The following DCDC1 variants were observed in gnomAD, a reference collection of about 807,000 sequenced individuals.
The protein encoded by DCDC1 is doublecortin domain-containing protein 1.
A neutral mutation model predicts 178.3 loss-of-function variants in DCDC1; 200 were observed. That is an observed-to-expected ratio of 1.12 (90% CI 1.00 to 1.26). The LOEUF (loss-of-function observed/expected upper bound fraction) is 1.26, where lower values mean the gene tolerates loss of function less well. DCDC1 is among the 50% of genes most tolerant of loss of function. The pLI, the probability that DCDC1 is intolerant of heterozygous loss-of-function variation, is 0.00. For synonymous variants in DCDC1, 690 were observed against 604.8 expected, an observed-to-expected ratio of 1.14 and a Z score of -2.07; for missense variants, 1,983 against 1,749.2, an observed-to-expected ratio of 1.13 and a Z score of -2.38.
chr11:31,281,538 T>C (rs1043092280), intron 7 of DCDC1, among the ~76,000 whole-genome samples: 7 of 152,154 alleles, frequency 4.6e-5, no homozygotes, highest in Non-Finnish European at 7.4e-5. Flanking sequence ...CCATATTCTC[T>C]TAAGGTGGTC....
chr11:31,314,340 A>T (rs1020916700), intron 3 of DCDC1: 3 of 152,218 alleles, frequency 2.0e-5, no homozygotes, highest in African/African-American at 7.2e-5. Flanking sequence ...TTATATATCT[A>T]ACCTACCTAC....
intron 18 of DCDC1, among the ~76,000 whole-genome samples, chr11:31,072,759 T>C (rs1245679757): frequency 1.3e-5 from 2 of 152,124 alleles, no homozygotes; most frequent in Non-Finnish European, 2.9e-5. Flanking sequence ...ATAAATGTAT[T>C]TAAGCTTGTT....
At chr11:31,025,081 A>C (rs1188787315) in intron 20 of DCDC1, among the ~76,000 whole-genome samples, 1 of 151,868 alleles carries the variant, frequency 6.6e-6, no homozygotes, top group Non-Finnish European at 1.5e-5. Context: ...TATCTATAGT[A>C]ATTTCAACTA....
At chr11:31,086,993 A>G (rs1957520792) in intron 17 of DCDC1, among the ~76,000 whole-genome samples, 1 of 152,076 alleles carries the variant, frequency 6.6e-6, no homozygotes, top group Admixed American at 6.6e-5. Context: ...AGAATTTCCC[A>G]GTGAAGCTAG....
chr11:31,189,238 T>C (rs576457637), intron 9 of DCDC1, among the ~76,000 whole-genome samples: 1 of 152,276 alleles, frequency 6.6e-6, no homozygotes, highest in East Asian at 1.9e-4. Context: ...AGGACCCAAA[T>C]ATGAGAATGC....
intron 20 of DCDC1, among the ~76,000 whole-genome samples, chr11:31,040,249 A>C (rs1954349889): frequency 6.6e-6 from 1 of 152,146 alleles, no homozygotes; most frequent in Admixed American, 6.5e-5. Flanking sequence ...AAGTCATTTA[A>C]CTCCTCCAGT....
chr11:30,881,438 T>G, intron 36 of DCDC1, 130 bp from the exon 37 acceptor site: 1 of 1,202,854 alleles, frequency 8.3e-7, no homozygotes, highest in Non-Finnish European at 1.2e-6. Flanking sequence ...TGTTAGACAT[T>G]CGTATAGAAG....
At chr11:31,207,989 A>G (rs1392328186) in intron 9 of DCDC1, among the ~76,000 whole-genome samples, 2 of 152,214 alleles carry the variant, frequency 1.3e-5, no homozygotes, top group Admixed American at 1.3e-4. Flanking sequence ...ACAACCACCT[A>G]TTCCTTCTCA....
intron 34 of DCDC1, 63 bp downstream of exon 34, chr11:30,899,478 A>G (rs1944495588): frequency 2.8e-6 from 3 of 1,080,310 alleles, no homozygotes; most frequent in Non-Finnish European, 3.7e-6. Context: ...GAAAATAACC[A>G]TTAGCAATTT....
At chr11:31,063,360 C>G (rs1956059207) in intron 20 of DCDC1, among the ~76,000 whole-genome samples, 3 of 152,146 alleles carry the variant, frequency 2.0e-5, no homozygotes, top group South Asian at 2.1e-4. Context: ...GGTACATACC[C>G]AAAGGATTAT....
intron 10 of DCDC1, 167 bp from the exon 11 acceptor site, chr11:31,127,806 A>G (rs1379412737): frequency 2.0e-6 from 1 of 501,392 alleles, no homozygotes; most frequent in East Asian, 3.2e-5. Context: ...ACATTCCTAC[A>G]TCTACTTTTA....
At chr11:31,340,752 C>G (rs894214614) in intron 1 of DCDC1, among the ~76,000 whole-genome samples, 4 of 152,150 alleles carry the variant, frequency 2.6e-5, no homozygotes, top group Admixed American at 6.5e-5. Context: ...CACCCCTTCT[C>G]TAAGTCTCTA....
At chr11:31,159,777 C>CA (rs1241639834) in intron 9 of DCDC1, among the ~76,000 whole-genome samples, 1 of 151,600 alleles carries the variant, frequency 6.6e-6, no homozygotes, top group African/African-American at 2.4e-5. Flanking sequence ...CCCCTTCCAC[C>CA]AAAAAAAGAA....
At chr11:31,314,364 C>G (rs966602902) in intron 3 of DCDC1, 3 of 152,222 alleles carry the variant, frequency 2.0e-5, no homozygotes, top group Non-Finnish European at 4.4e-5. Flanking sequence ...CCATTTACTT[C>G]TCCATCCATT....
chr11:31,048,288 T>C (rs961974228), intron 20 of DCDC1, among the ~76,000 whole-genome samples: 7 of 152,208 alleles, frequency 4.6e-5, no homozygotes, highest in African/African-American at 1.7e-4. Context: ...TTACTATGAA[T>C]TGACTTTCAA....
chr11:31,213,095 C>A (rs1485801354), intron 9 of DCDC1, among the ~76,000 whole-genome samples: 8 of 132,876 alleles, frequency 6.0e-5, no homozygotes, highest in African/African-American at 2.3e-4. Context: ...CTATATAAAG[C>A]CCAGCCTCTC....
At chr11:31,132,333 G>T (rs1030198112) in intron 10 of DCDC1, among the ~76,000 whole-genome samples, 5 of 151,980 alleles carry the variant, frequency 3.3e-5, no homozygotes, top group African/African-American at 9.7e-5. Flanking sequence ...CAGTTATTAT[G>T]ATAACATGTC....
chr11:30,877,222 A>G (rs542071447), intron 38 of DCDC1, among the ~76,000 whole-genome samples: 1 of 152,288 alleles, frequency 6.6e-6, no homozygotes, highest in Non-Finnish European at 1.5e-5. Flanking sequence ...CTTCAGTAGA[A>G]ATGATATACT....
At chr11:31,368,770 C>A (rs891325823) in intron 1 of DCDC1, among the ~76,000 whole-genome samples, 1 of 152,082 alleles carries the variant, frequency 6.6e-6, no homozygotes, top group African/African-American at 2.4e-5. Flanking sequence ...AACAACAAAA[C>A]CATTTTAACA....
Sources: gnomAD v4.1 joint callset for allele counts (sites outside exome capture counted in the v4.1 genomes callset) on GRCh38, gnomAD v4.1.1 for gene constraint, MANE v1.5 for transcripts, NCBI Gene and HGNC (gene_info 2026-07-23, HGNC 2026-07-21) for gene names.